COPS7B: variants seen among roughly 807,000 people sequenced by gnomAD.
COPS7B encodes COP9 signalosome subunit 7B, also known as COP9 signalosome complex subunit 7b.
In COPS7B, 9 loss-of-function variants were observed where a neutral mutation model predicts 33.4. That is an observed-to-expected ratio of 0.27 (90% confidence interval 0.16 to 0.47). COPS7B has a LOEUF of 0.47. Among genes scored for constraint, COPS7B ranks in the 20% least tolerant of loss-of-function variants. COPS7B has a pLI of 0.99. For synonymous variants in COPS7B, 119 were observed against 126.3 expected, an observed-to-expected ratio of 0.94 and a Z score of 0.39; for missense variants, 242 against 318.2, an observed-to-expected ratio of 0.76 and a Z score of 1.82.
At chr2:231,798,195 C>CT (rs1463086348) in intron 5 of COPS7B, among the ~76,000 whole-genome samples, 3 of 149,138 alleles carry the variant, frequency 2.0e-5, no homozygotes, top group Non-Finnish European at 4.4e-5. Context: ...CCTAGAACAT[C>CT]TTTTTTTTCT....
chr2:231,786,263 C>A (rs1051233429), upstream of COPS7B: 1 of 187,454 alleles, frequency 5.3e-6, no homozygotes, highest in Non-Finnish European at 1.0e-5. Context: ...CTAGCCACCC[C>A]CTCCCCGCCT....
chr2:231,791,459 T>C (rs1025067656), intron 2 of COPS7B: 35 of 431,646 alleles, frequency 8.1e-5, no homozygotes, highest in African/African-American at 6.4e-4. Context: ...CTTAATGCTT[T>C]GTATGTGTGT....
At chr2:231,798,734 C>A in intron 5 of COPS7B, 125 bp from the exon 6 acceptor site, 1 of 693,458 alleles carries the variant, frequency 1.4e-6, no homozygotes, top group African/African-American at 1.8e-5. Flanking sequence ...AGAGATGTGG[C>A]AGAGGGAGTA....
Position 231,807,660 on chromosome 2 carries a change from G to T in COPS7B, c.*15G>T, listed in dbSNP as rs1487380628. 2 of 1,545,754 alleles carry T rather than the reference G, an allele frequency of 1.3e-6. No individual in the cohort carries two copies. Among genetic ancestry groups the T allele is most frequent in the Middle Eastern group, 1.8e-4 (1 of 5,640 alleles). ...GCCGCCACTAGGGCCGGCTGGGGCA[G>T]CTGGCACTCACCAGGCCTGGGTCAG... On this transcript the variant is annotated 3_prime_UTR_variant, in exon 7 of 7. Transcript: ENST00000350033.
At position 231,796,303 on chromosome 2, in the gene COPS7B, T is replaced by C. The variant is rs377063616; in HGVS notation, c.525T>C (p.His175=). The change falls in exon 5 of 7, where the codon CAT becomes CAC. Residue 175 remains histidine, a synonymous_variant. Coordinates refer to ENST00000350033, the MANE Select transcript of COPS7B (RefSeq NM_022730.4). ...TCAATAATATTGTCAAGACCCTGCATGAATGGTGAGGCTAAAAGGAGGAGG... is the reference window on the plus strand; with the variant it reads ...TCAATAATATTGTCAAGACCCTGCACGAATGGTGAGGCTAAAAGGAGGAGG... ...KDINNIVKTL[H]EWCDGCEAVL... 2 of 1,613,844 alleles carry C rather than the reference T, an allele frequency of 1.2e-6. No homozygotes were observed. The highest frequency in any genetic ancestry group is 1.7e-5 in the Admixed American group (1 of 60,020).
At chr2:231,796,705 A>AT (rs2049581972) in intron 5 of COPS7B, among the ~76,000 whole-genome samples, 1 of 151,952 alleles carries the variant, frequency 6.6e-6, no homozygotes, top group South Asian at 2.1e-4. Flanking sequence ...TGTTTTTATT[A>AT]TTTTTTCTAT....
At chr2:231,801,135 A>G (rs2049732940) in intron 6 of COPS7B, 2 of 1,550,348 alleles carry the variant, frequency 1.3e-6, no homozygotes, top group Non-Finnish European at 1.7e-6. Context: ...TTGTCCTTAA[A>G]TTAGATTGCT....
At chr2:231,789,290 C>CA (rs1188218701) in intron 2 of COPS7B, 9 of 152,696 alleles carry the variant, frequency 5.9e-5, no homozygotes, top group African/African-American at 2.2e-4. Context: ...CAGTTTTGGT[C>CA]ATTGTGCCTC....
upstream of COPS7B, among the ~76,000 whole-genome samples, chr2:231,783,252 A>G (rs2049170852): frequency 6.6e-6 from 1 of 152,168 alleles, no homozygotes; most frequent in Non-Finnish European, 1.5e-5. Context: ...GCATTCTTAC[A>G]TGTTTCTTTT....
At chr2:231,798,828 T>C in intron 5 of COPS7B, 31 bp from the exon 6 acceptor site, 1 of 1,584,100 alleles carries the variant, frequency 6.3e-7, no homozygotes, top group Non-Finnish European at 8.7e-7. Context: ...CAGGCCATTC[T>C]GCAGCTCAGG....
chr2:231,785,370 G>A (rs879554758), upstream of COPS7B, among the ~76,000 whole-genome samples: 11 of 152,094 alleles, frequency 7.2e-5, no homozygotes, highest in Admixed American at 7.2e-4. Flanking sequence ...AACCACTCTG[G>A]GTTTCTTTTT....
chr2:231,804,537 G>A (rs933194412), intron 6 of COPS7B, among the ~76,000 whole-genome samples: 2 of 152,212 alleles, frequency 1.3e-5, no homozygotes, highest in African/African-American at 4.8e-5. Context: ...GTGAGCCACT[G>A]TGCCTGGCCT....
intron 6 of COPS7B, among the ~76,000 whole-genome samples, chr2:231,804,875 C>G (rs1204956371): frequency 1.3e-5 from 2 of 152,122 alleles, no homozygotes; most frequent in African/African-American, 4.8e-5. Flanking sequence ...AACTGACATG[C>G]AAATAAATAA....
intron 6 of COPS7B, among the ~76,000 whole-genome samples, chr2:231,800,804 C>T (rs1281029748): frequency 6.6e-6 from 1 of 152,244 alleles, no homozygotes; most frequent in Non-Finnish European, 1.5e-5. Context: ...CCAATTAAAA[C>T]AGTCCATTGA....
upstream of COPS7B, among the ~76,000 whole-genome samples, chr2:231,785,445 C>T (rs1162164943): frequency 6.6e-6 from 1 of 152,148 alleles, no homozygotes; most frequent in East Asian, 1.9e-4. Flanking sequence ...CTTTTTTCCC[C>T]TTTTTGTCTG....
At chr2:231,807,081 A>G (rs2049915436) in intron 6 of COPS7B, among the ~76,000 whole-genome samples, 1 of 152,172 alleles carries the variant, frequency 6.6e-6, no homozygotes, top group African/African-American at 2.4e-5. Context: ...TTCATCCTCT[A>G]CTGGTTTATT....
At chr2:231,791,945 G>C (rs139080846) in intron 3 of COPS7B, 137 bp downstream of exon 3, 4 of 761,102 alleles carry the variant, frequency 5.3e-6, no homozygotes, top group Admixed American at 2.0e-5. Flanking sequence ...TGCTGTGCCC[G>C]GTGGGTGACC....
At chr2:231,781,844 AACTTCTGTTTAC>A, upstream of COPS7B, 3 of 1,550,938 alleles carry the variant, frequency 1.9e-6, no homozygotes, top group South Asian at 3.6e-5. Flanking sequence ...GCAGAGAGTT[AACTTCTGTTTAC>A]ATGGAACTCA....
At chr2:231,792,065 G>C in intron 3 of COPS7B, 1 of 638,550 alleles carries the variant, frequency 1.6e-6, no homozygotes, top group Non-Finnish European at 3.0e-6. Context: ...TGAGATTCTT[G>C]AGGACTGGTG....
Sources: allele counts gnomAD v4.1 joint callset (sites outside exome capture counted in the v4.1 genomes callset), GRCh38; gene constraint gnomAD v4.1.1; transcripts MANE v1.5; gene names NCBI Gene and HGNC (gene_info 2026-07-23, HGNC 2026-07-21).